ABCG2: variants seen among roughly 807,000 people sequenced by gnomAD.
The protein encoded by ABCG2 is broad substrate specificity ATP-binding cassette transporter ABCG2.
ABCG2 carries 80 observed loss-of-function variants against 73.5 expected under a neutral mutation model. That is an observed-to-expected ratio of 1.09 (90% confidence interval 0.91 to 1.31). The LOEUF is 1.31. Ranked by LOEUF, ABCG2 falls within the 50% of genes most tolerant of loss-of-function variation. The pLI is 0.00. For missense variants in ABCG2, 796 were observed against 786.2 expected (o/e 1.01, Z -0.15); for synonymous variants, 269 against 282.4 (o/e 0.95, Z 0.48).
At position 88,195,451 on chromosome 4, in the gene ABCG2, C is replaced by A. The variant is rs908057101; in HGVS notation, c.-20+35543G>T. Among the ~76,000 whole-genome samples the A allele has an allele frequency of 1.4e-4, 22 of 152,260 alleles. 1 individual carries two copies. The highest frequency in any genetic ancestry group is 1.1e-3 in the Admixed American group (17 of 15,282). On this transcript the variant is annotated intron_variant, in intron 1 of 15. Transcript: ENST00000515655. The stretch of plus-strand genomic sequence containing the variant: ...TCGGCTTGTTAGCAGCAGAAGGTAT[C>A]CTAGTCACGTGGCACCAAAATATGT...
chr4:88,202,374 A>ATATATATATATATATATATATATATATG lies in ABCG2; in HGVS notation c.-20+28619_-20+28620insCATATATATATATATATATATATATATA, dbSNP rs1240795047. ...ATTATTTATATATATATATATATAT[A>ATATATATATATATATATATATATATATG]TATGTATATTTTAATTAGCTGGGCA... is the stretch of plus-strand genomic sequence containing the variant. On this transcript the variant is annotated intron_variant, in intron 1 of 15. Transcript: ENST00000515655. 3.2e-3 allele frequency among the ~76,000 whole-genome samples: 366 copies of ATATATATATATATATATATATATATATG among 115,448 alleles called. 3 individuals carry two copies. The highest frequency in any genetic ancestry group is 5.5e-3 in the Non-Finnish European group (294 of 53,860). 75.7% of individuals were successfully genotyped at this position (115,448 alleles called of 152,430 possible).
At chr4:88,184,598 A>T (rs190859070) in intron 1 of ABCG2, among the ~76,000 whole-genome samples, 8 of 152,308 alleles carry the variant, frequency 5.3e-5, no homozygotes, top group Middle Eastern at 3.4e-3. Flanking sequence ...GATAGGAAGA[A>T]TCATTGTTGT....
chr4:88,214,339 C>T (rs951861972), intron 1 of ABCG2, among the ~76,000 whole-genome samples: 26 of 152,080 alleles, frequency 1.7e-4, no homozygotes, highest in Admixed American at 1.7e-3. Flanking sequence ...AACTACTGCT[C>T]TATCGTTTTG....
chr4:88,120,897 G>T (rs1271064556), intron 6 of ABCG2, among the ~76,000 whole-genome samples: 1 of 152,052 alleles, frequency 6.6e-6, no homozygotes. Context: ...AATGATATGT[G>T]TCCCCACCCA....
At chr4:88,204,197 A>C (rs1405918916) in intron 1 of ABCG2, among the ~76,000 whole-genome samples, 1 of 152,006 alleles carries the variant, frequency 6.6e-6, no homozygotes, top group Non-Finnish European at 1.5e-5. Flanking sequence ...TGAGGCGGGC[A>C]GATCACGGGG....
At chr4:88,181,397 T>TCAAAAAAAAAAAAAAAAAAA (rs1728230424) in intron 1 of ABCG2, among the ~76,000 whole-genome samples, 1 of 19,618 alleles carries the variant, frequency 5.1e-5, no homozygotes, top group Non-Finnish European at 7.9e-5. Flanking sequence ...AGACTCCATC[T>TCAAAAAAAAAAAAAAAAAAA]CAAAAAAAAA....
intron 1 of ABCG2, among the ~76,000 whole-genome samples, chr4:88,154,091 T>C (rs540041246): frequency 1.4e-4 from 22 of 152,240 alleles, no homozygotes; most frequent in African/African-American, 3.9e-4. Flanking sequence ...AAGAGATTGA[T>C]AGGTGGAAGT....
Position 88,101,319 on chromosome 4 carries a change from T to C in ABCG2, c.1278A>G (p.Arg426=), listed in dbSNP as rs918840244. The change falls in exon 11 of 16, where the codon AGA becomes AGG. Residue 426 remains arginine (R), a splice_region_variant and synonymous_variant. Coordinates refer to ENST00000237612, the MANE Select transcript of ABCG2 (RefSeq NM_004827.3). ...TCGTCAGGAAGAAGAGAACCCCAGCTCTGCCATGAAAAGGGGAACCAAATC... is the reference window on the plus strand; with the variant it reads ...TCGTCAGGAAGAAGAGAACCCCAGCCCTGCCATGAAAAGGGGAACCAAATC... ...LKNDSTGIQN[R]AGVLFFLTTN... The C allele has an allele frequency of 3.1e-6, 5 of 1,613,900 alleles. No homozygotes were observed. The African/African-American group carries it at 5.3e-5, about 17-fold the overall frequency.
chr4:88,192,183 G>GA (rs34478612), intron 1 of ABCG2, among the ~76,000 whole-genome samples: 7 of 142,742 alleles, frequency 4.9e-5, no homozygotes, highest in Admixed American at 7.0e-5. Context: ...TCTGTGTCAA[G>GA]AAAAAAAAAA....
At chr4:88,227,488 T>C (rs193050968) in intron 1 of ABCG2, among the ~76,000 whole-genome samples, 1 of 152,324 alleles carries the variant, frequency 6.6e-6, no homozygotes, top group African/African-American at 2.4e-5. Flanking sequence ...TTTAAAATAT[T>C]GACTGGAGCT....
At chr4:88,115,284 A>ATATATATT (rs58774529) in intron 7 of ABCG2, among the ~76,000 whole-genome samples, 934 of 72,796 alleles carry the variant, frequency 0.013, 53 homozygotes, top group East Asian at 0.027. Flanking sequence ...ATATATATAT[A>ATATATATT]ATTTATTTAT....
rs181358320 is a variant in ABCG2, at chr4:88,215,925, C to T, written c.-20+15069G>A. Among the ~76,000 whole-genome samples, 4 of 152,344 alleles carry T rather than the reference C, an allele frequency of 2.6e-5. No homozygotes were observed. The East Asian group carries it at 7.7e-4, about 29-fold the overall frequency. ...TTAGGAGACTGAAAGCTCTTCCATC[C>T]ACTGATGAATATCATGAATCTTCCT... is the stretch of plus-strand genomic sequence containing the variant. On this transcript the variant is annotated intron_variant, in intron 1 of 15. Transcript: ENST00000515655.
At chr4:88,155,838 G>A (rs527341288) in intron 1 of ABCG2, among the ~76,000 whole-genome samples, 3 of 152,164 alleles carry the variant, frequency 2.0e-5, no homozygotes, top group Admixed American at 1.3e-4. Context: ...CCCAGGAAGC[G>A]GAGGAGGTTG....
At chr4:88,153,380 C>T (rs75692417) in intron 1 of ABCG2, among the ~76,000 whole-genome samples, 4 of 152,066 alleles carry the variant, frequency 2.6e-5, no homozygotes, top group Non-Finnish European at 4.4e-5. Context: ...TACAGGAGCT[C>T]AAATGGGCTG....
intron 1 of ABCG2, among the ~76,000 whole-genome samples, chr4:88,194,010 A>G (rs889130022): frequency 6.6e-6 from 1 of 152,112 alleles, no homozygotes; most frequent in Non-Finnish European, 1.5e-5. Flanking sequence ...CTCCCAACCT[A>G]ATGGGATTAC....
intron 6 of ABCG2, among the ~76,000 whole-genome samples, chr4:88,121,237 C>T (rs949152921): frequency 6.6e-6 from 1 of 151,050 alleles, no homozygotes; most frequent in African/African-American, 2.4e-5. Flanking sequence ...CAGGAGGAAG[C>T]TAAGAAGAAA....
intron 6 of ABCG2, among the ~76,000 whole-genome samples, chr4:88,121,302 G>A (rs1431193275): frequency 6.6e-6 from 1 of 152,162 alleles, no homozygotes; most frequent in African/African-American, 2.4e-5. Context: ...AAATAAAAAG[G>A]TCTACTCAGA....
chr4:88,123,462 A>T (rs1165274167), intron 5 of ABCG2, among the ~76,000 whole-genome samples: 4 of 152,136 alleles, frequency 2.6e-5, no homozygotes, highest in African/African-American at 7.2e-5. Context: ...TTTATAGAAG[A>T]ACATAAATGA....
intron 9 of ABCG2, among the ~76,000 whole-genome samples, chr4:88,108,367 A>C (rs1169533933): frequency 6.6e-6 from 1 of 150,882 alleles, no homozygotes; most frequent in African/African-American, 2.4e-5. Context: ...ACTAAAAAAA[A>C]ACACACACAA....
Sources: gnomAD v4.1 joint callset for allele counts (sites outside exome capture counted in the v4.1 genomes callset) on GRCh38, gnomAD v4.1.1 for gene constraint, MANE v1.5 for transcripts, NCBI Gene and HGNC (gene_info 2026-07-23, HGNC 2026-07-21) for gene names.